PITPNM3: variants seen among roughly 807,000 people sequenced by gnomAD.
The protein encoded by PITPNM3 is membrane-associated phosphatidylinositol transfer protein 3.
In PITPNM3, 26 loss-of-function variants were observed where a neutral mutation model predicts 102.0. That is an observed-to-expected ratio of 0.25 (90% CI 0.19 to 0.35). The LOEUF (loss-of-function observed/expected upper bound fraction) is 0.35, where lower values mean the gene tolerates loss of function less well. PITPNM3 is among the 10% of genes least tolerant of loss of function. The pLI, the probability that PITPNM3 is intolerant of heterozygous loss-of-function variation, is 1.00. For missense variants in PITPNM3, 1,083 were observed against 1,346.1 expected, an observed-to-expected ratio of 0.80 and a Z score of 3.06; for synonymous variants, 578 against 558.6, an observed-to-expected ratio of 1.03 and a Z score of -0.49.
intron 18 of PITPNM3, chr17:6,460,945 T>C (rs1231812348): frequency 1.0e-5 from 3 of 292,816 alleles, no homozygotes; most frequent in East Asian, 1.9e-4. Flanking sequence ...GTGGGAACCA[T>C]AGCTTCGGTC....
Position 6,472,754 on chromosome 17 carries a change from G to A in PITPNM3, c.1332C>T (p.Leu444=), listed in dbSNP as rs779574114. The A allele has an allele frequency of 1.2e-5, 19 of 1,613,290 alleles. No homozygotes were observed. Among genetic ancestry groups the A allele is most frequent in the Middle Eastern group, 1.6e-4 (1 of 6,068 alleles). Residue 444 remains leucine, a synonymous_variant, in exon 11 of 20, where the codon CTC becomes CTT. Transcript: ENST00000262483. This position sits in a 1 kb window ranked among gnomAD's most constrained non-coding sequence, Gnocchi z 4.1. ...GGAACTTGGGCTCCAGCAGTGGCTC[G>A]AGCCGTGAGGCAGAGGGGTCTGCGC... ...FHCADPSASR[L]EPLLEPKFHL... is the part of the protein sequence containing the mutation.
intron 17 of PITPNM3, 92 bp downstream of exon 17, chr17:6,463,640 C>T (rs968928720): frequency 4.6e-6 from 7 of 1,510,974 alleles, no homozygotes; most frequent in Non-Finnish European, 6.2e-6. Flanking sequence ...GGTAGAATTC[C>T]TACAGCAAAT....
At chr17:6,471,567 G>T (rs1476837250) in intron 11 of PITPNM3, among the ~76,000 whole-genome samples, 1 of 152,186 alleles carries the variant, frequency 6.6e-6, no homozygotes, top group Non-Finnish European at 1.5e-5. Context: ...ACCGCATATT[G>T]CCGCATTTAC....
At chr17:6,553,755 C>G (rs943649354) in intron 1 of PITPNM3, among the ~76,000 whole-genome samples, 6 of 152,104 alleles carry the variant, frequency 3.9e-5, no homozygotes, top group African/African-American at 1.4e-4. Flanking sequence ...CGCCGCCCCA[C>G]CCCGCCAGAG....
chr17:6,467,916 T>C (rs1277644654), intron 14 of PITPNM3, among the ~76,000 whole-genome samples: 2 of 152,352 alleles, frequency 1.3e-5, no homozygotes, highest in Admixed American at 1.3e-4. Context: ...CTCTTTCTGA[T>C]TCAAGTCCAC....
chr17:6,457,072 G>A lies in PITPNM3; in HGVS notation c.2619+522C>T, dbSNP rs550936086. On this transcript the variant is annotated intron_variant, in intron 19 of 19. Coordinates refer to ENST00000262483, the MANE Select transcript of PITPNM3 (RefSeq NM_031220.4). The surrounding 1 kb of genome is among the most constrained non-coding windows in gnomAD (Gnocchi z 4.7). ...TGGCCGCACTGACCGTTCTAGCCCC[G>A]CCCCCCCACCTCCCAGCTCACGTCC... Among the ~76,000 whole-genome samples, 2 of 149,828 alleles carry A rather than the reference G, an allele frequency of 1.3e-5. No homozygotes were observed. Among genetic ancestry groups the A allele is most frequent in the East Asian group, 2.0e-4 (1 of 4,970 alleles).
intron 3 of PITPNM3, among the ~76,000 whole-genome samples, chr17:6,520,912 A>G (rs1000280211): frequency 2.6e-5 from 4 of 152,224 alleles, no homozygotes; most frequent in Non-Finnish European, 5.9e-5. Context: ...ATGATCCCAC[A>G]TATGTAGGGT....
intron 9 of PITPNM3, 90 bp downstream of exon 9, chr17:6,476,939 C>A: frequency 6.8e-7 from 1 of 1,479,162 alleles, no homozygotes. Context: ...TATGGGCCCC[C>A]ATGGAAGGGC....
chr17:6,539,233 C>T (rs967247271), intron 1 of PITPNM3, among the ~76,000 whole-genome samples: 6 of 152,278 alleles, frequency 3.9e-5, no homozygotes, highest in Middle Eastern at 3.4e-3. Context: ...TGTGAGCTGA[C>T]GTTCCACCCT....
intron 3 of PITPNM3, among the ~76,000 whole-genome samples, chr17:6,520,092 G>A (rs1908423679): frequency 6.6e-6 from 1 of 152,130 alleles, no homozygotes; most frequent in South Asian, 2.1e-4. Flanking sequence ...AATATGATCA[G>A]TCAACACATT....
At chr17:6,540,751 C>A (rs560065571) in intron 1 of PITPNM3, among the ~76,000 whole-genome samples, 1 of 152,148 alleles carries the variant, frequency 6.6e-6, no homozygotes, top group Non-Finnish European at 1.5e-5. Flanking sequence ...CTTCACCTCC[C>A]GGGTTCAAGA....
At chr17:6,552,173 T>C (rs2150684167) in intron 1 of PITPNM3, among the ~76,000 whole-genome samples, 1 of 152,208 alleles carries the variant, frequency 6.6e-6, no homozygotes, top group Middle Eastern at 3.4e-3. Context: ...GAGAGGAGAA[T>C]AAACTGGTTC....
At chr17:6,466,431 C>T (rs1904773112) in intron 14 of PITPNM3, among the ~76,000 whole-genome samples, 1 of 152,190 alleles carries the variant, frequency 6.6e-6, no homozygotes, top group South Asian at 2.1e-4. Context: ...AACGCAGGCC[C>T]CCTTACAGGT....
intron 2 of PITPNM3, among the ~76,000 whole-genome samples, chr17:6,533,967 C>G (rs774345150): frequency 6.6e-6 from 1 of 152,192 alleles, no homozygotes; most frequent in Non-Finnish European, 1.5e-5. Flanking sequence ...CGCTCTGCCT[C>G]TTTGTGTGGC....
chr17:6,490,176 C>A (rs1325338965), intron 4 of PITPNM3, among the ~76,000 whole-genome samples: 1 of 152,080 alleles, frequency 6.6e-6, no homozygotes, highest in African/African-American at 2.4e-5. Context: ...ACCTGGGGGA[C>A]TCAATCCACA....
At chr17:6,520,848 C>G (rs1908467540) in intron 3 of PITPNM3, among the ~76,000 whole-genome samples, 1 of 152,112 alleles carries the variant, frequency 6.6e-6, no homozygotes, top group African/African-American at 2.4e-5. Flanking sequence ...ATGAACGAAC[C>G]TCGAAAGCAT....
At chr17:6,527,433 C>A (rs1343902643) in intron 2 of PITPNM3, among the ~76,000 whole-genome samples, 3 of 152,174 alleles carry the variant, frequency 2.0e-5, no homozygotes, top group Admixed American at 6.5e-5. Flanking sequence ...GTGCCCCACA[C>A]ACAGTAAAAG....
chr17:6,508,403 A>G (rs946321330), intron 3 of PITPNM3, among the ~76,000 whole-genome samples: 3 of 152,176 alleles, frequency 2.0e-5, no homozygotes, highest in African/African-American at 7.2e-5. Flanking sequence ...CACTTCCCCA[A>G]CGTTGAGATC....
chr17:6,496,684 C>T (rs1425149251), intron 4 of PITPNM3, among the ~76,000 whole-genome samples: 2 of 152,084 alleles, frequency 1.3e-5, no homozygotes, highest in Non-Finnish European at 2.9e-5. Context: ...CTATTTTATC[C>T]CCAAAGACTA....
Sources: gnomAD v4.1 joint callset for allele counts (sites outside exome capture counted in the v4.1 genomes callset) on GRCh38, gnomAD v4.1.1 for gene constraint, Gnocchi (gnomAD v3.1) non-coding constraint, MANE v1.5 for transcripts, NCBI Gene and HGNC (gene_info 2026-07-23, HGNC 2026-07-21) for gene names.